The following KCNU1 variants were observed in gnomAD, a reference collection of about 807,000 sequenced individuals.
KCNU1 encodes potassium channel subfamily U member 1.
KCNU1 carries 93 observed loss-of-function variants against 126.8 expected under a neutral mutation model. That is an observed-to-expected ratio of 0.73 (90% CI 0.62 to 0.87). The LOEUF (loss-of-function observed/expected upper bound fraction) is 0.87. KCNU1 is among the 40% of genes least tolerant of loss of function. The probability of loss-of-function intolerance (pLI) is 0.00; values close to 1 mark genes in which losing one functional copy is unlikely to be tolerated. For synonymous variants in KCNU1, 523 were observed against 494.2 expected (o/e 1.06, Z -0.77); for missense variants, 1,330 against 1,367.1 (o/e 0.97, Z 0.43).
intron 19 of KCNU1, among the ~76,000 whole-genome samples, chr8:36,880,839 A>T (rs1181494030): frequency 6.6e-6 from 1 of 152,210 alleles, no homozygotes; most frequent in East Asian, 1.9e-4. Context: ...CTGAGAAAAT[A>T]AAAACCTGGT....
intron 2 of KCNU1, among the ~76,000 whole-genome samples, chr8:36,801,908 G>A (rs918129879): frequency 1.3e-5 from 2 of 151,778 alleles, no homozygotes; most frequent in Non-Finnish European, 2.9e-5. Flanking sequence ...CAGGAGTTTA[G>A]GACCAGGCTG....
In KCNU1 at chr8:36,805,290, G is replaced by A. The variant is rs747846382; in HGVS notation, c.468+5G>A. ...AGTTTCTATTTTGGATTGAGGGTAAGTACCTATTGAAAGTGGGAGTGAATA... is the reference window on the plus strand; with the variant it reads ...AGTTTCTATTTTGGATTGAGGGTAAATACCTATTGAAAGTGGGAGTGAATA... On this transcript the variant is annotated splice_donor_5th_base_variant and intron_variant, in intron 4 of 26. Transcript: ENST00000399881. 1.3e-6 allele frequency: 2 copies of A among 1,549,500 alleles called. No individual in the cohort carries two copies. The highest frequency in any genetic ancestry group is 1.8e-6 in the Non-Finnish European group (2 of 1,129,788).
intron 2 of KCNU1, chr8:36,796,002 A>G (rs1344059313): frequency 6.6e-6 from 1 of 152,184 alleles, no homozygotes; most frequent in African/African-American, 2.4e-5. Context: ...TCTTGAGTTG[A>G]AATTAATTGT....
At chr8:36,847,554 G>A (rs1232356105) in intron 18 of KCNU1, among the ~76,000 whole-genome samples, 1 of 152,138 alleles carries the variant, frequency 6.6e-6, no homozygotes, top group Admixed American at 6.5e-5. Flanking sequence ...CTACTTCCAT[G>A]AGCTCAATTG....
intron 12 of KCNU1, among the ~76,000 whole-genome samples, chr8:36,836,069 C>A (rs1186678388): frequency 6.6e-6 from 1 of 152,064 alleles, no homozygotes; most frequent in Non-Finnish European, 1.5e-5. Flanking sequence ...CTTCTAACAC[C>A]AAGAGATAAT....
intron 16 of KCNU1, among the ~76,000 whole-genome samples, chr8:36,842,380 A>G (rs912893359): frequency 2.0e-5 from 3 of 152,228 alleles, no homozygotes; most frequent in Non-Finnish European, 4.4e-5. Flanking sequence ...TGTCAGTGGG[A>G]TTGTAAAAAG....
At chr8:36,788,952 A>G (rs1347321791) in intron 2 of KCNU1, among the ~76,000 whole-genome samples, 2 of 152,338 alleles carry the variant, frequency 1.3e-5, no homozygotes, top group East Asian at 3.9e-4. Context: ...AAAATTACAT[A>G]CCAATAAAAA....
intron 2 of KCNU1, among the ~76,000 whole-genome samples, chr8:36,790,455 A>G (rs1407576821): frequency 2.0e-5 from 3 of 152,050 alleles, no homozygotes; most frequent in African/African-American, 7.2e-5. Flanking sequence ...AAATAGAGAA[A>G]TAAATAGCTA....
intron 3 of KCNU1, 141 bp from the exon 4 acceptor site, chr8:36,805,054 A>G: frequency 1.7e-6 from 1 of 586,860 alleles, no homozygotes; most frequent in Non-Finnish European, 3.0e-6. Flanking sequence ...AGAAAAGTTA[A>G]TTTCCTTGAG....
At chr8:36,860,598 G>A (rs116343984) in intron 18 of KCNU1, among the ~76,000 whole-genome samples, 1,579 of 152,248 alleles carry the variant, frequency 0.01, 25 homozygotes, top group African/African-American at 0.035. Context: ...CCAGGGCAAG[G>A]AGGGGTGCAT....
chr8:36,784,458 A>C lies in KCNU1; in HGVS notation c.48A>C (p.Lys16Asn), dbSNP rs756630615. The C allele has an allele frequency of 2.5e-6, 4 of 1,613,574 alleles. No homozygotes were observed. In the South Asian group the frequency reaches 3.3e-5, roughly 13 times the overall value. ...LRNETWEDLPKMSCTTEIQAA... is the reference protein window; with the variant it reads ...LRNETWEDLPNMSCTTEIQAA... ...ATGAAACTTGGGAAGACTTGCCAAA[A>C]ATGTCCTGCACAACTGAGATCCAAG... The change falls in exon 1 of 27, where the codon AAA (lysine) becomes AAC (asparagine). Residue 16 changes from lysine to asparagine, a missense_variant. By Grantham distance (94) the Lys-to-Asn change is moderately conservative (BLOSUM62 0). Coordinates refer to ENST00000399881, the MANE Select transcript of KCNU1 (RefSeq NM_001031836.3).
intron 20 of KCNU1, 145 bp downstream of exon 20, chr8:36,905,949 A>G (rs1807612206): frequency 1.8e-6 from 1 of 544,344 alleles, no homozygotes; most frequent in African/African-American, 2.0e-5. Context: ...ATCCCTCACC[A>G]GCCATAAGAA....
chr8:36,832,045 A>C (rs1804570786), intron 10 of KCNU1, among the ~76,000 whole-genome samples: 1 of 152,124 alleles, frequency 6.6e-6, no homozygotes, highest in Non-Finnish European at 1.5e-5. Flanking sequence ...TGTTTTTCTC[A>C]GGTTTGTCAA....
chr8:36,878,163 G>T (rs374808520), intron 19 of KCNU1, among the ~76,000 whole-genome samples: 2 of 152,034 alleles, frequency 1.3e-5, no homozygotes, highest in Non-Finnish European at 2.9e-5. Flanking sequence ...AGCTGATTTA[G>T]CAATAAAAGT....
At chr8:36,920,665 G>A (rs1808306148) in intron 23 of KCNU1, among the ~76,000 whole-genome samples, 1 of 152,172 alleles carries the variant, frequency 6.6e-6, no homozygotes, top group South Asian at 2.1e-4. Flanking sequence ...GAGGCCACTA[G>A]TTTAGGATGA....
intron 13 of KCNU1, 102 bp downstream of exon 13, chr8:36,836,467 A>T: frequency 1.3e-6 from 1 of 792,386 alleles, no homozygotes; most frequent in Non-Finnish European, 2.0e-6. Context: ...GTTTTTGCTA[A>T]TCATAGGTAA....
At chr8:36,804,157 C>T in intron 3 of KCNU1, 69 bp downstream of exon 3, 1 of 1,000,218 alleles carries the variant, frequency 1.0e-6, no homozygotes, top group Non-Finnish European at 1.5e-6. Context: ...GGAATTTTCT[C>T]CTCAGGAATA....
At chr8:36,801,818 G>A (rs1173110301) in intron 2 of KCNU1, among the ~76,000 whole-genome samples, 1 of 151,774 alleles carries the variant, frequency 6.6e-6, no homozygotes, top group African/African-American at 2.4e-5. Context: ...TTTTAAAATG[G>A]AACTTACAGG....
intron 10 of KCNU1, among the ~76,000 whole-genome samples, chr8:36,828,817 A>G (rs992036465): frequency 7.9e-5 from 12 of 152,042 alleles, no homozygotes; most frequent in African/African-American, 2.9e-4. Context: ...GTGAATGTTC[A>G]TTTTTAGGCC....
Sources: gnomAD v4.1 joint callset for allele counts (sites outside exome capture counted in the v4.1 genomes callset) on GRCh38, gnomAD v4.1.1 for gene constraint, MANE v1.5 for transcripts, NCBI Gene and HGNC (gene_info 2026-07-23, HGNC 2026-07-21) for gene names.